CDKAL1: variants seen among roughly 807,000 people sequenced by gnomAD.
CDKAL1 encodes the protein CDKAL1 threonylcarbamoyladenosine tRNA methylthiotransferase, also known as threonylcarbamoyladenosine tRNA methylthiotransferase.
Under a neutral mutation model 68.2 loss-of-function variants are expected in CDKAL1, and 32 were observed. The ratio of observed to expected loss-of-function variants is 0.47; its 90% CI spans 0.35 to 0.63. CDKAL1 has a LOEUF of 0.63. CDKAL1 is among the 30% of genes least tolerant of loss of function. CDKAL1 has a pLI of 0.00. For missense variants in CDKAL1, 606 were observed against 696.7 expected (o/e 0.87, Z 1.47); for synonymous variants, 234 against 244.3 (o/e 0.96, Z 0.39).
chr6:21,178,186 G>A (rs1015632508), intron 13 of CDKAL1, among the ~76,000 whole-genome samples: 1 of 152,050 alleles, frequency 6.6e-6, no homozygotes, highest in African/African-American at 2.4e-5. Context: ...AGTATCCAAG[G>A]AAAAAGCCTT....
chr6:21,211,651 C>T (rs931225026), intron 15 of CDKAL1, among the ~76,000 whole-genome samples: 1 of 152,170 alleles, frequency 6.6e-6, no homozygotes, highest in Non-Finnish European at 1.5e-5. Flanking sequence ...ATCCACATGG[C>T]CCTGTCTAAC....
Position 20,640,596 on chromosome 6 carries a change from G to A in CDKAL1, c.287-8697G>A, listed in dbSNP as rs553717296. Among the ~76,000 whole-genome samples, 5 of 152,310 alleles carry A rather than the reference G, an allele frequency of 3.3e-5. No individual in the cohort carries two copies. The South Asian group carries it at 6.2e-4, about 19-fold the overall frequency. ...TTAGAAATTTTGAAAATAGCAGAAC[G>A]GCTGCTTTTGAAGCCCGATTGTTAG... is the stretch of plus-strand genomic sequence containing the variant. On this transcript the variant is annotated intron_variant, in intron 4 of 15. Coordinates refer to ENST00000274695, the MANE Select transcript of CDKAL1 (RefSeq NM_017774.3).
At chr6:21,136,922 C>T (rs764888934) in intron 13 of CDKAL1, among the ~76,000 whole-genome samples, 17 of 152,190 alleles carry the variant, frequency 1.1e-4, no homozygotes, top group Non-Finnish European at 1.9e-4. Flanking sequence ...TACTTCCTAG[C>T]TGTCTCTCCT....
intron 7 of CDKAL1, among the ~76,000 whole-genome samples, chr6:20,775,718 G>A (rs945900738): frequency 3.3e-5 from 5 of 151,986 alleles, no homozygotes; most frequent in African/African-American, 1.2e-4. Context: ...GTTTTAGATG[G>A]CAGCAGTATT....
intron 13 of CDKAL1, among the ~76,000 whole-genome samples, chr6:21,152,586 A>T (rs1414582824): frequency 2.0e-5 from 3 of 152,208 alleles, no homozygotes; most frequent in East Asian, 1.9e-4. Flanking sequence ...CCTGCTCTCA[A>T]GGAGCTCGTA....
chr6:20,611,991 C>A (rs1766638300), intron 4 of CDKAL1, among the ~76,000 whole-genome samples: 1 of 152,162 alleles, frequency 6.6e-6, no homozygotes, highest in Non-Finnish European at 1.5e-5. Flanking sequence ...ACATGAGTGA[C>A]AACATGCAAA....
intron 4 of CDKAL1, among the ~76,000 whole-genome samples, chr6:20,616,676 T>G (rs867100008): frequency 6.6e-6 from 1 of 151,230 alleles, no homozygotes; most frequent in South Asian, 2.1e-4. Context: ...TTAAGGAGAT[T>G]TTGGGCTGAG....
At chr6:21,118,115 C>G (rs558956770) in intron 13 of CDKAL1, among the ~76,000 whole-genome samples, 46 of 152,224 alleles carry the variant, frequency 3.0e-4, no homozygotes, top group Admixed American at 2.7e-3. Context: ...TCCCTACCCC[C>G]CAGAAGGTTC....
At chr6:20,616,634 A>G (rs1766916752) in intron 4 of CDKAL1, among the ~76,000 whole-genome samples, 1 of 149,704 alleles carries the variant, frequency 6.7e-6, no homozygotes, top group African/African-American at 2.5e-5. Context: ...TTGATTTTGT[A>G]TCCTGAGACT....
intron 11 of CDKAL1, among the ~76,000 whole-genome samples, chr6:21,045,171 A>T (rs1449823292): frequency 6.6e-6 from 1 of 152,210 alleles, no homozygotes; most frequent in Non-Finnish European, 1.5e-5. Context: ...CAGAAAAAGG[A>T]CTATAGCATG....
intron 8 of CDKAL1, among the ~76,000 whole-genome samples, chr6:20,805,786 C>T (rs1341239430): frequency 6.6e-6 from 1 of 152,102 alleles, no homozygotes; most frequent in Non-Finnish European, 1.5e-5. Context: ...ATTTGTTACC[C>T]AAGCAAGGAG....
At position 20,660,928 on chromosome 6, in the gene CDKAL1, T is replaced by A. The variant is rs181860242; in HGVS notation, c.371+11551T>A. On this transcript the variant is annotated intron_variant, in intron 5 of 15. Transcript: ENST00000274695. ...CATTTGAGTTTCAAATTGTCCAGAT[T>A]TGAGAGTGAGCAAAATACACCAGAT... Among the ~76,000 whole-genome samples, 672 of 152,228 alleles carry A rather than the reference T, an allele frequency of 4.4e-3. 5 individuals carry two copies. The highest frequency in any genetic ancestry group is 0.015 in the African/African-American group (638 of 41,540).
At chr6:20,911,153 T>TCCATATAATAAC (rs1435482162) in intron 9 of CDKAL1, among the ~76,000 whole-genome samples, 5 of 152,222 alleles carry the variant, frequency 3.3e-5, no homozygotes, top group Admixed American at 6.5e-5. Flanking sequence ...GAGTATCTAA[T>TCCATATAATAAC]TTGATATTTA....
At chr6:20,612,702 T>A (rs1344180468) in intron 4 of CDKAL1, among the ~76,000 whole-genome samples, 4 of 152,146 alleles carry the variant, frequency 2.6e-5, no homozygotes, top group African/African-American at 9.7e-5. Context: ...GTCTCCTCAC[T>A]TTGTTCCTGG....
intron 15 of CDKAL1, among the ~76,000 whole-genome samples, chr6:21,205,873 C>G (rs1191324532): frequency 8.3e-6 from 1 of 120,316 alleles, no homozygotes; most frequent in Non-Finnish European, 1.6e-5. Context: ...CTTGCTCTGT[C>G]GCCCAGGCTG....
intron 6 of CDKAL1, among the ~76,000 whole-genome samples, chr6:20,750,958 A>G (rs1470981432): frequency 6.8e-5 from 1 of 14,658 alleles, no homozygotes; most frequent in Admixed American, 7.7e-4. Flanking sequence ...AGTGAAAAAA[A>G]AAAAAAAAAA....
intron 12 of CDKAL1, among the ~76,000 whole-genome samples, chr6:21,098,491 T>C (rs1773423000): frequency 6.7e-6 from 1 of 149,094 alleles, no homozygotes; most frequent in Non-Finnish European, 1.5e-5. Flanking sequence ...GAAGTTTCAA[T>C]GAAGGTAAAA....
chr6:20,835,516 CTTGTCTT>C (rs1561817281), intron 8 of CDKAL1, among the ~76,000 whole-genome samples: 1 of 138,048 alleles, frequency 7.2e-6, no homozygotes, highest in African/African-American at 2.8e-5. Flanking sequence ...CTTGTCTTGT[CTTGTCTT>C]TTGTCTTGTC....
chr6:20,691,094 G>C (rs1157745942), intron 5 of CDKAL1, among the ~76,000 whole-genome samples: 3 of 152,140 alleles, frequency 2.0e-5, no homozygotes, highest in African/African-American at 7.2e-5. Flanking sequence ...ACTATGAGTA[G>C]GTAAACACTT....
Sources: gnomAD v4.1 joint callset for allele counts (sites outside exome capture counted in the v4.1 genomes callset) on GRCh38, gnomAD v4.1.1 for gene constraint, MANE v1.5 for transcripts, NCBI Gene and HGNC (gene_info 2026-07-23, HGNC 2026-07-21) for gene names.